Variants in FLT3 observed in about 807,000 individuals in gnomAD.
FLT3 encodes the protein receptor-type tyrosine-protein kinase FLT3.
FLT3 carries 46 observed loss-of-function variants against 126.6 expected under a neutral mutation model. The observed-to-expected ratio is 0.36, with a 90% CI of 0.29 to 0.46. FLT3 has a LOEUF of 0.46. Ranked by LOEUF, FLT3 falls within the 20% of genes least tolerant of loss-of-function variation. The pLI is 1.00. For synonymous variants in FLT3, 404 were observed against 434.4 expected, an observed-to-expected ratio of 0.93 and a Z score of 0.87; for missense variants, 1,069 against 1,190.3, an observed-to-expected ratio of 0.90 and a Z score of 1.50.
chr13:28,023,298 A>C, intron 19 of FLT3, 52 bp downstream of exon 19: 1 of 1,551,176 alleles, frequency 6.4e-7, no homozygotes, highest in South Asian at 1.2e-5. Context: ...ATATATAAGC[A>C]CATCTTTTCA....
At position 28,003,800 on chromosome 13, in the gene FLT3, A is replaced by G. The variant is rs756787887; in HGVS notation, c.*252T>C. 4.1e-6 allele frequency: 2 copies of G among 491,550 alleles called. No homozygotes were observed. The highest frequency in any genetic ancestry group is 7.3e-6 in the Non-Finnish European group (2 of 273,634). The allele number at this position is 491,550 out of a possible 1,614,324, so 30.4% of individuals were successfully genotyped here. On this transcript the variant is annotated 3_prime_UTR_variant, in exon 24 of 24. Transcript: ENST00000241453. ...CACAATTCACTCAAGCCAGCCTGAG[A>G]AGGCCTTGGATGCAGATCAATGCTC...
chr13:28,045,899 T>C (rs9507983), intron 9 of FLT3, among the ~76,000 whole-genome samples: 50,763 of 133,742 alleles, frequency 0.38, 9,662 homozygotes, highest in Middle Eastern at 0.54. Context: ...CAGCTTACGA[T>C]GACTGTGGGT....
intron 1 of FLT3, among the ~76,000 whole-genome samples, chr13:28,071,170 CT>C (rs11408683): frequency 5.4e-4 from 77 of 143,010 alleles, no homozygotes; most frequent in Admixed American, 7.0e-4. Context: ...AATTTTCTTT[CT>C]TTTTTTTTTT....
intron 1 of FLT3, among the ~76,000 whole-genome samples, chr13:28,095,401 G>A (rs992888809): frequency 6.6e-6 from 1 of 152,030 alleles, no homozygotes; most frequent in Non-Finnish European, 1.5e-5. Flanking sequence ...TCAGCCTCCT[G>A]AGTAGCTGGA....
At chr13:28,017,226 G>C (rs554524732) in intron 20 of FLT3, among the ~76,000 whole-genome samples, 1 of 151,938 alleles carries the variant, frequency 6.6e-6, no homozygotes, top group South Asian at 2.1e-4. Context: ...ATTCTTTTTT[G>C]AGACAGGGTC....
intron 1 of FLT3, among the ~76,000 whole-genome samples, chr13:28,077,094 A>C (rs1035309221): frequency 2.2e-4 from 2 of 9,290 alleles, no homozygotes; most frequent in Non-Finnish European, 6.7e-3. Flanking sequence ...AAAGAAAAAG[A>C]GAAAAAGAAA....
chr13:28,071,505 T>C (rs776048868), intron 1 of FLT3, among the ~76,000 whole-genome samples: 1 of 152,124 alleles, frequency 6.6e-6, no homozygotes, highest in Non-Finnish European at 1.5e-5. Context: ...TGATTCCTTC[T>C]CTCCTCTTTA....
chr13:28,075,162 C>T (rs909323983), intron 1 of FLT3, among the ~76,000 whole-genome samples: 17 of 152,072 alleles, frequency 1.1e-4, no homozygotes, highest in Non-Finnish European at 2.1e-4. Flanking sequence ...TATATGCATA[C>T]ATTGTGGAAT....
At chr13:28,051,808 A>C (rs1204101990) in intron 5 of FLT3, among the ~76,000 whole-genome samples, 2 of 151,878 alleles carry the variant, frequency 1.3e-5, no homozygotes, top group African/African-American at 4.8e-5. Context: ...GGCCTCCCAA[A>C]GTGCTGGGAT....
At chr13:28,086,619 CGTGT>C (rs35797346) in intron 1 of FLT3, among the ~76,000 whole-genome samples, 10,902 of 134,624 alleles carry the variant, frequency 0.081, 462 homozygotes, top group Admixed American at 0.13. Context: ...CTGAAGAACT[CGTGT>C]GTGTGTGTGT....
chr13:28,029,651 T>C (rs186019471), intron 15 of FLT3, among the ~76,000 whole-genome samples: 20 of 152,320 alleles, frequency 1.3e-4, no homozygotes, highest in African/African-American at 4.8e-4. Flanking sequence ...GTCGTGAGCA[T>C]GGTTGACTCT....
intron 1 of FLT3, among the ~76,000 whole-genome samples, chr13:28,084,415 G>GTGATCACGGTGTAC (rs1423157373): frequency 6.6e-6 from 1 of 152,012 alleles, no homozygotes; most frequent in Non-Finnish European, 1.5e-5. Flanking sequence ...CTGCAGTGGT[G>GTGATCACGGTGTAC]TGATCACGGT....
At chr13:28,086,627 T>TGC (rs1241173981) in intron 1 of FLT3, among the ~76,000 whole-genome samples, 9 of 116,152 alleles carry the variant, frequency 7.7e-5, no homozygotes, top group Non-Finnish European at 1.4e-4. Flanking sequence ...CTCGTGTGTG[T>TGC]GTGTGTGTGT....
intron 20 of FLT3, 132 bp downstream of exon 20, chr13:28,018,335 A>T: frequency 1.0e-6 from 1 of 984,540 alleles, no homozygotes; most frequent in East Asian, 2.6e-5. Context: ...AGCATAAGTA[A>T]GCAGACTGCT....
At chr13:28,087,573 T>C (rs1343169760) in intron 1 of FLT3, among the ~76,000 whole-genome samples, 4 of 152,166 alleles carry the variant, frequency 2.6e-5, no homozygotes, top group Non-Finnish European at 5.9e-5. Context: ...TTTATCCGAT[T>C]TTGACAATTT....
At chr13:28,094,450 T>A (rs1439785946) in intron 1 of FLT3, among the ~76,000 whole-genome samples, 1 of 152,188 alleles carries the variant, frequency 6.6e-6, no homozygotes, top group Non-Finnish European at 1.5e-5. Flanking sequence ...TCTTATGCAA[T>A]TTCTGTGGCC....
chr13:28,064,714 C>A (rs779523298), intron 2 of FLT3, among the ~76,000 whole-genome samples: 1 of 152,164 alleles, frequency 6.6e-6, no homozygotes, highest in Non-Finnish European at 1.5e-5. Flanking sequence ...TATGACAACA[C>A]ATTTTGTCGG....
At chr13:28,050,842 T>TA (rs5802463) in intron 5 of FLT3, among the ~76,000 whole-genome samples, 102,150 of 146,590 alleles carry the variant, frequency 0.7, 36,818 homozygotes, top group East Asian at 0.94. Context: ...GGTCCTATTT[T>TA]AAAAAAAAAA....
chr13:28,012,698 G>A (rs768097633), intron 23 of FLT3, among the ~76,000 whole-genome samples: 11 of 152,044 alleles, frequency 7.2e-5, no homozygotes, highest in East Asian at 1.9e-4. Context: ...ACTTTGGGAG[G>A]CTGAGGCAGG....
Sources: gnomAD v4.1 joint callset for allele counts (sites outside exome capture counted in the v4.1 genomes callset) on GRCh38, gnomAD v4.1.1 for gene constraint, MANE v1.5 for transcripts, NCBI Gene and HGNC (gene_info 2026-07-23, HGNC 2026-07-21) for gene names.